The following SMAP1 variants were observed in gnomAD, a reference collection of about 807,000 sequenced individuals.
SMAP1 encodes the protein stromal membrane-associated protein 1.
A neutral mutation model predicts 58.5 loss-of-function variants in SMAP1; 24 were observed. The ratio of observed to expected loss-of-function variants is 0.41; its 90% CI spans 0.30 to 0.58. SMAP1 has a LOEUF of 0.58. Ranked by LOEUF, SMAP1 falls within the 20% of genes least tolerant of loss-of-function variation. SMAP1 has a pLI of 0.29. For synonymous variants in SMAP1, 216 were observed against 196.6 expected (o/e 1.10, Z -0.82); for missense variants, 563 against 566.3 (o/e 0.99, Z 0.06).
At chr6:70,680,408 T>A (rs1192396628) in intron 1 of SMAP1, among the ~76,000 whole-genome samples, 1 of 152,154 alleles carries the variant, frequency 6.6e-6, no homozygotes, top group Non-Finnish European at 1.5e-5. Flanking sequence ...GGGAAAAATA[T>A]TTTATCTGGT....
At chr6:70,773,114 T>C (rs905812806) in intron 3 of SMAP1, 6 of 362,730 alleles carry the variant, frequency 1.7e-5, no homozygotes, top group Non-Finnish European at 2.5e-5. Flanking sequence ...TACTTTTCTT[T>C]CTAGAATTAG....
intron 1 of SMAP1, among the ~76,000 whole-genome samples, chr6:70,713,262 T>C (rs1768132752): frequency 6.6e-6 from 1 of 152,166 alleles, no homozygotes; most frequent in Non-Finnish European, 1.5e-5. Context: ...TTTCTATGCT[T>C]TATTTGATTT....
At chr6:70,803,671 TC>T (rs1438433184) in intron 6 of SMAP1, among the ~76,000 whole-genome samples, 15 of 152,248 alleles carry the variant, frequency 9.9e-5, no homozygotes, top group Admixed American at 7.2e-4. Context: ...TTTAAATGTG[TC>T]CCAGATATTC....
chr6:70,810,603 G>A (rs1233818779), intron 6 of SMAP1, among the ~76,000 whole-genome samples: 1 of 151,866 alleles, frequency 6.6e-6, no homozygotes, highest in Non-Finnish European at 1.5e-5. Flanking sequence ...TAGATACAGG[G>A]TCTCACTATT....
At position 70,860,535 on chromosome 6, in the gene SMAP1, A is replaced by AG; in HGVS notation, c.*204dup. 1 of 503,958 alleles carries AG rather than the reference A, an allele frequency of 2.0e-6. No individual in the cohort carries two copies. Among genetic ancestry groups the AG allele is most frequent in the Non-Finnish European group, 3.2e-6 (1 of 311,674 alleles). The allele number at this position is 503,958 out of a possible 1,614,324, so 31.2% of individuals were successfully genotyped here. On this transcript the variant is annotated 3_prime_UTR_variant, in exon 11 of 11. Coordinates refer to ENST00000370455, the MANE Select transcript of SMAP1 (RefSeq NM_001044305.3). Reference sequence around the variant, plus strand: ...CAGGTTGATAAATCATTTTATGTCAAGGGCAGCTTTGCTCATATTTCCCAT... The same window carrying AG: ...CAGGTTGATAAATCATTTTATGTCAAGGGGCAGCTTTGCTCATATTTCCCAT...
intron 1 of SMAP1, among the ~76,000 whole-genome samples, chr6:70,726,874 G>GGTGTGT (rs35977042): frequency 0.011 from 1,537 of 144,902 alleles, 10 homozygotes; most frequent in Non-Finnish European, 0.015. Flanking sequence ...AAATTTTAGG[G>GGTGTGT]GTGTGTGTGT....
In SMAP1 at chr6:70,861,996, A is replaced by T. The variant is rs1271880242; in HGVS notation, c.*1662A>T. 1.3e-6 allele frequency: 2 copies of T among 1,568,080 alleles called. No homozygotes were observed. The highest frequency in any genetic ancestry group is 1.7e-6 in the Non-Finnish European group (2 of 1,162,864). On this transcript the variant is annotated 3_prime_UTR_variant, in exon 11 of 11. Transcript: ENST00000370455. ...AGCAAATCCTTTGTGAAAAATAAAAAAAAAAAAGAGACTTTAAAATCCTGG... is the reference window on the plus strand; with the variant it reads ...AGCAAATCCTTTGTGAAAAATAAAATAAAAAAAGAGACTTTAAAATCCTGG...
In SMAP1 at chr6:70,773,409, C is replaced by G; in HGVS notation, c.398C>G (p.Ala133Gly). 1 of 1,559,428 alleles carries G rather than the reference C, an allele frequency of 6.4e-7. No individual in the cohort carries two copies. The highest frequency in any genetic ancestry group is 8.8e-7 in the Non-Finnish European group (1 of 1,140,296). ...AAGAAGAAATACTACGATAAAAATG[C>G]CATAGCTATTACAAATGTAAGTAAA... ...YEKKKYYDKNAIAITNISSSD... is the reference protein window; with the variant it reads ...YEKKKYYDKNGIAITNISSSD... The change falls in exon 4 of 11, where the codon GCC becomes GGC. Residue 133 changes from alanine to glycine, a missense_variant. Coordinates refer to ENST00000370455, the MANE Select transcript of SMAP1 (RefSeq NM_001044305.3).
chr6:70,739,251 A>T (rs1423370768), intron 2 of SMAP1, among the ~76,000 whole-genome samples: 1 of 152,166 alleles, frequency 6.6e-6, no homozygotes, highest in Non-Finnish European at 1.5e-5. Flanking sequence ...CTATTTTTTA[A>T]GTCTGTGGAT....
At chr6:70,768,179 A>C (rs543391347) in intron 3 of SMAP1, among the ~76,000 whole-genome samples, 1 of 152,174 alleles carries the variant, frequency 6.6e-6, no homozygotes, top group Admixed American at 6.5e-5. Flanking sequence ...TTTTTGCATC[A>C]ATGTTCATCA....
chr6:70,747,569 AC>A (rs1766097248), intron 2 of SMAP1, among the ~76,000 whole-genome samples: 1 of 152,198 alleles, frequency 6.6e-6, no homozygotes, highest in Non-Finnish European at 1.5e-5. Flanking sequence ...GACTTGATAA[AC>A]AGGAGATGCC....
intron 8 of SMAP1, among the ~76,000 whole-genome samples, chr6:70,854,358 A>G (rs138532442): frequency 6.6e-6 from 1 of 152,318 alleles, no homozygotes; most frequent in East Asian, 1.9e-4. Flanking sequence ...ATGGTGGTTC[A>G]TGCCTGTAAT....
At chr6:70,768,150 G>C (rs1253163423) in intron 3 of SMAP1, among the ~76,000 whole-genome samples, 7 of 152,188 alleles carry the variant, frequency 4.6e-5, no homozygotes, top group Admixed American at 4.6e-4. Flanking sequence ...GGTTCGGTTT[G>C]CCAGTATTTT....
At chr6:70,811,871 T>A (rs1769403162) in intron 6 of SMAP1, among the ~76,000 whole-genome samples, 1 of 152,186 alleles carries the variant, frequency 6.6e-6, no homozygotes, top group African/African-American at 2.4e-5. Context: ...TCCCAAGATG[T>A]AGCCAGTGAA....
intron 1 of SMAP1, among the ~76,000 whole-genome samples, chr6:70,691,856 C>T (rs1342764851): frequency 6.6e-6 from 1 of 152,122 alleles, no homozygotes; most frequent in Non-Finnish European, 1.5e-5. Flanking sequence ...TTATCCATTC[C>T]CCTGTTGATG....
rs531461661 is a variant in SMAP1, at chr6:70,860,420, A to G, written c.*86A>G. On this transcript the variant is annotated 3_prime_UTR_variant, in exon 11 of 11. Coordinates refer to ENST00000370455, the MANE Select transcript of SMAP1 (RefSeq NM_001044305.3). ...AGTTCCCCTGTTTATTCATATGCATATTTTTTTTCTTTTTACCCATTTGTT... is the reference window on the plus strand; with the variant it reads ...AGTTCCCCTGTTTATTCATATGCATGTTTTTTTTCTTTTTACCCATTTGTT... 7.4e-6 allele frequency: 11 copies of G among 1,478,258 alleles called. No homozygotes were observed. In the African/African-American group the frequency reaches 1.6e-4, roughly 21 times the overall value. 91.6% of individuals were successfully genotyped at this position (1,478,258 alleles called of 1,614,324 possible).
In SMAP1 at chr6:70,861,042, C is replaced by G. The variant is rs57035119; in HGVS notation, c.*708C>G. On this transcript the variant is annotated 3_prime_UTR_variant, in exon 11 of 11. Transcript: ENST00000370455. ...ATGCAAACAGGGTAACTAACTAAAA[C>G]AAAGCCACTTTCAATCTTCAATCCT... The G allele has an allele frequency of 1.3e-5, 3 of 238,572 alleles. No homozygotes were observed. The highest frequency in any genetic ancestry group is 2.4e-5 in the Non-Finnish European group (3 of 124,352). The allele number at this position is 238,572 out of a possible 1,614,324, so 14.8% of individuals were successfully genotyped here. A position where few individuals can be genotyped will look rare whatever the true frequency, so the allele number is the denominator to read the frequency against.
At chr6:70,806,572 C>G (rs1365319565) in intron 6 of SMAP1, among the ~76,000 whole-genome samples, 1 of 152,194 alleles carries the variant, frequency 6.6e-6, no homozygotes, top group Non-Finnish European at 1.5e-5. Flanking sequence ...GCAGAAATCA[C>G]CCATCTTCTG....
intron 6 of SMAP1, among the ~76,000 whole-genome samples, chr6:70,799,205 A>G (rs1415856953): frequency 6.6e-6 from 1 of 152,186 alleles, no homozygotes; most frequent in Non-Finnish European, 1.5e-5. Context: ...TAAAATGTTT[A>G]GAAAAATAGT....
Sources: gnomAD v4.1 joint callset for allele counts (sites outside exome capture counted in the v4.1 genomes callset) on GRCh38, gnomAD v4.1.1 for gene constraint, MANE v1.5 for transcripts, NCBI Gene and HGNC (gene_info 2026-07-23, HGNC 2026-07-21) for gene names.